The following NTM variants were observed in gnomAD, a reference collection of about 807,000 sequenced individuals.
The protein encoded by NTM is IgLON family member 2.
NTM carries 13 observed loss-of-function variants against 42.1 expected under a neutral mutation model. The ratio of observed to expected loss-of-function variants is 0.31; its 90% CI spans 0.20 to 0.49. NTM has a LOEUF of 0.49. NTM is among the 20% of genes least tolerant of loss of function. NTM has a pLI of 0.99. For synonymous variants in NTM, 187 were observed against 179.2 expected (o/e 1.04, Z -0.35); for missense variants, 373 against 452.8 (o/e 0.82, Z 1.60).
chr11:131,454,281 G>GA (rs1174067522), intron 1 of NTM, among the ~76,000 whole-genome samples: 1 of 152,176 alleles, frequency 6.6e-6, no homozygotes, highest in Non-Finnish European at 1.5e-5. Flanking sequence ...GTATGTATAA[G>GA]AAAAAACATA....
intron 1 of NTM, chr11:131,660,135 G>A (rs537123913): frequency 1.4e-4 from 25 of 182,758 alleles, no homozygotes; most frequent in African/African-American, 4.6e-4. Flanking sequence ...GCCAGGAGCC[G>A]GGCAAGGCGG....
At chr11:132,314,783 C>G in intron 7 of NTM, 80 bp downstream of exon 7, 1 of 1,485,364 alleles carries the variant, frequency 6.7e-7, no homozygotes, top group South Asian at 1.4e-5. Context: ...CCCCTCAAGG[C>G]CAGGGTCAGA....
At chr11:131,758,163 G>A (rs142998278) in intron 1 of NTM, among the ~76,000 whole-genome samples, 2 of 152,198 alleles carry the variant, frequency 1.3e-5, no homozygotes, top group African/African-American at 2.4e-5. Context: ...TATCCTCGTC[G>A]GTGGCCAGTA....
chr11:131,992,481 C>T (rs527714177), intron 2 of NTM, among the ~76,000 whole-genome samples: 25 of 151,990 alleles, frequency 1.6e-4, no homozygotes, highest in East Asian at 3.9e-4. Flanking sequence ...AATGAGCTCT[C>T]GGTGTATGAA....
At chr11:131,969,856 A>G (rs1458501421) in intron 2 of NTM, among the ~76,000 whole-genome samples, 2 of 152,180 alleles carry the variant, frequency 1.3e-5, no homozygotes, top group Non-Finnish European at 2.9e-5. Context: ...TTGCTCTGTC[A>G]CCGAGGCTGG....
intron 1 of NTM, among the ~76,000 whole-genome samples, chr11:131,903,327 G>A (rs918363771): frequency 6.6e-6 from 1 of 152,334 alleles, no homozygotes; most frequent in Non-Finnish European, 1.5e-5. Context: ...TTTAGGGGAA[G>A]ATTCCCAAAT....
intron 2 of NTM, among the ~76,000 whole-genome samples, chr11:132,011,327 C>G (rs939235065): frequency 1.3e-5 from 2 of 152,074 alleles, no homozygotes; most frequent in African/African-American, 4.8e-5. Context: ...AGCAAATCAA[C>G]CTCTCTTTGA....
intron 1 of NTM, among the ~76,000 whole-genome samples, chr11:131,615,275 A>G (rs887238243): frequency 6.6e-6 from 1 of 152,290 alleles, no homozygotes; most frequent in East Asian, 1.9e-4. Context: ...GAGATGTCAC[A>G]GTATCTGCAT....
At chr11:131,718,958 A>G (rs1487096545) in intron 1 of NTM, among the ~76,000 whole-genome samples, 1 of 151,998 alleles carries the variant, frequency 6.6e-6, no homozygotes, top group Non-Finnish European at 1.5e-5. Flanking sequence ...TTGTTTTCAG[A>G]TTGGGTATCC....
intron 3 of NTM, among the ~76,000 whole-genome samples, chr11:132,186,542 G>A (rs1194335289): frequency 6.6e-6 from 1 of 152,152 alleles, no homozygotes; most frequent in African/African-American, 2.4e-5. Flanking sequence ...CATCCACGTG[G>A]CCACTGCTTT....
intron 1 of NTM, among the ~76,000 whole-genome samples, chr11:131,741,162 TGAGAGAGAGAGAGAGAGAGAGAGAGA>T (rs71067330): frequency 1.5e-5 from 2 of 129,828 alleles, no homozygotes; most frequent in African/African-American, 3.0e-5. Flanking sequence ...AAGACCCCGT[TGAGAGAGAGAGAGAGAGAGAGAGAGA>T]GAGAGAGAGA....
intron 2 of NTM, among the ~76,000 whole-genome samples, chr11:132,001,793 C>CAG (rs1379297744): frequency 7.9e-5 from 12 of 152,074 alleles, no homozygotes; most frequent in African/African-American, 2.9e-4. Context: ...CACACACACA[C>CAG]ACACACATAC....
intron 1 of NTM, among the ~76,000 whole-genome samples, chr11:131,459,228 C>G (rs1951165640): frequency 6.6e-6 from 1 of 152,354 alleles, no homozygotes; most frequent in African/African-American, 2.4e-5. Flanking sequence ...CTTGCTCTCA[C>G]CAGCAAGGTG....
At chr11:131,822,838 C>CAA (rs11407045) in intron 1 of NTM, among the ~76,000 whole-genome samples, 38 of 152,044 alleles carry the variant, frequency 2.5e-4, no homozygotes, top group East Asian at 1.9e-3. Context: ...ATTTGCTTCT[C>CAA]AAAAAAAGCG....
chr11:132,235,276 G>A (rs1307695794), intron 4 of NTM, among the ~76,000 whole-genome samples: 1 of 152,172 alleles, frequency 6.6e-6, no homozygotes, highest in Non-Finnish European at 1.5e-5. Flanking sequence ...TGCATCAATA[G>A]GAAGCAAGGT....
intron 3 of NTM, among the ~76,000 whole-genome samples, chr11:132,194,980 G>A (rs759445389): frequency 1.1e-3 from 174 of 151,868 alleles, no homozygotes; most frequent in Non-Finnish European, 1.7e-3. Flanking sequence ...GTGCCACCAC[G>A]CCTGGCTAGT....
At chr11:131,624,933 A>C (rs2062954181) in intron 1 of NTM, among the ~76,000 whole-genome samples, 1 of 152,224 alleles carries the variant, frequency 6.6e-6, no homozygotes. Context: ...TCATATACCT[A>C]AAGCATTTTT....
At chr11:131,545,071 C>T (rs940546496) in intron 1 of NTM, among the ~76,000 whole-genome samples, 1 of 152,168 alleles carries the variant, frequency 6.6e-6, no homozygotes, top group Non-Finnish European at 1.5e-5. Context: ...CACTGCAATT[C>T]AGGTAATATT....
At chr11:131,586,857 A>G (rs1165129731) in intron 1 of NTM, among the ~76,000 whole-genome samples, 2 of 152,352 alleles carry the variant, frequency 1.3e-5, no homozygotes, top group Middle Eastern at 3.4e-3. Flanking sequence ...CTCTTTGGAA[A>G]GAACAATCTA....
Sources: allele counts gnomAD v4.1 joint callset (sites outside exome capture counted in the v4.1 genomes callset), GRCh38; gene constraint gnomAD v4.1.1; transcripts MANE v1.5; gene names NCBI Gene and HGNC (gene_info 2026-07-23, HGNC 2026-07-21).